The following RBBP8 variants were observed in gnomAD, a reference collection of about 807,000 sequenced individuals.
RBBP8 encodes RB binding protein 8, endonuclease, also known as DNA endonuclease RBBP8.
Under a neutral mutation model 108.3 loss-of-function variants are expected in RBBP8, and 88 were observed. That is an observed-to-expected ratio of 0.81 (90% confidence interval 0.68 to 0.97). The LOEUF is 0.97. Among genes scored for constraint, RBBP8 ranks in the 50% least tolerant of loss-of-function variants. The pLI is 0.00. For missense variants in RBBP8, 1,023 were observed against 1,049.0 expected (o/e 0.98, Z 0.34); for synonymous variants, 332 against 348.2 (o/e 0.95, Z 0.52).
intron 16 of RBBP8, among the ~76,000 whole-genome samples, chr18:23,012,735 C>G (rs1331158209): frequency 6.6e-6 from 1 of 152,148 alleles, no homozygotes; most frequent in Non-Finnish European, 1.5e-5. Context: ...TGGCTGAGAT[C>G]AGTGATGAAG....
At chr18:22,936,633 G>A in intron 1 of RBBP8, 121 bp from the exon 2 acceptor site, 1 of 529,538 alleles carries the variant, frequency 1.9e-6, no homozygotes, top group South Asian at 2.3e-5. Flanking sequence ...TTCTAAAAAT[G>A]ATTGATTATA....
At chr18:22,976,117 G>A (rs1914478749) in intron 6 of RBBP8, among the ~76,000 whole-genome samples, 1 of 152,074 alleles carries the variant, frequency 6.6e-6, no homozygotes, top group African/African-American at 2.4e-5. Context: ...TTTTGGCTTA[G>A]AATAGTTATT....
At chr18:23,004,370 G>A (rs2046003129) in intron 15 of RBBP8, among the ~76,000 whole-genome samples, 1 of 151,946 alleles carries the variant, frequency 6.6e-6, no homozygotes, top group South Asian at 2.1e-4. Flanking sequence ...TGCAAACATC[G>A]ATGAGCTTGG....
chr18:23,000,029 T>G (rs2045921104), intron 14 of RBBP8, among the ~76,000 whole-genome samples: 1 of 152,174 alleles, frequency 6.6e-6, no homozygotes, highest in South Asian at 2.1e-4. Flanking sequence ...AGCAAAAATT[T>G]TGTAGTAGGA....
intron 2 of RBBP8, among the ~76,000 whole-genome samples, chr18:22,938,284 C>A (rs956123193): frequency 6.6e-6 from 1 of 152,004 alleles, no homozygotes; most frequent in Non-Finnish European, 1.5e-5. Context: ...GGCGCACGCA[C>A]CATGCCCAGC....
chr18:22,953,591 G>T (rs1279570902), intron 4 of RBBP8, among the ~76,000 whole-genome samples: 1 of 152,038 alleles, frequency 6.6e-6, no homozygotes, highest in African/African-American at 2.4e-5. Context: ...CTTAAAGTTT[G>T]AGCTTCCTGT....
At chr18:23,007,899 G>A (rs1339006250) in intron 16 of RBBP8, among the ~76,000 whole-genome samples, 1 of 151,110 alleles carries the variant, frequency 6.6e-6, no homozygotes, top group Non-Finnish European at 1.5e-5. Context: ...TGCAACCTCT[G>A]CCTCCTGGGT....
chr18:23,017,640 C>T (rs1284725280), intron 17 of RBBP8, among the ~76,000 whole-genome samples: 2 of 146,990 alleles, frequency 1.4e-5, no homozygotes, highest in Non-Finnish European at 3.0e-5. Flanking sequence ...GGCGAGAGAG[C>T]GAGACTCCGT....
At chr18:22,978,150 T>G (rs1383721451) in intron 6 of RBBP8, among the ~76,000 whole-genome samples, 1 of 152,126 alleles carries the variant, frequency 6.6e-6, no homozygotes, top group Non-Finnish European at 1.5e-5. Flanking sequence ...GGAAAAAAGC[T>G]GAATATTTAA....
At chr18:22,956,213 C>T (rs1912526560) in intron 4 of RBBP8, among the ~76,000 whole-genome samples, 1 of 151,954 alleles carries the variant, frequency 6.6e-6, no homozygotes, top group East Asian at 1.9e-4. Flanking sequence ...AGTTCTATGT[C>T]ATATGTAAGA....
chr18:23,000,066 A>G (rs1213123991), intron 14 of RBBP8, among the ~76,000 whole-genome samples: 2 of 152,248 alleles, frequency 1.3e-5, no homozygotes, highest in Non-Finnish European at 2.9e-5. Context: ...GAGATAATGA[A>G]TAAACAGAAC....
chr18:22,925,856 A>G (rs998055536), intron 3 of RBBP8, among the ~76,000 whole-genome samples: 8 of 152,326 alleles, frequency 5.3e-5, no homozygotes, highest in Admixed American at 4.6e-4. Flanking sequence ...TAATAGACAA[A>G]ATGGTAAAGA....
intron 1 of RBBP8, chr18:22,933,795 G>A (rs1438632323): frequency 6.6e-6 from 1 of 152,204 alleles, no homozygotes; most frequent in African/African-American, 2.4e-5. Flanking sequence ...GGCTGAGGAA[G>A]CGCCTTTCGC....
chr18:23,000,792 C>G (rs1306414450), intron 14 of RBBP8, among the ~76,000 whole-genome samples: 1 of 151,430 alleles, frequency 6.6e-6, no homozygotes, highest in African/African-American at 2.4e-5. Context: ...TAACATAAAG[C>G]CTTTGTAAAT....
Position 22,920,554 on chromosome 18 carries a change from A to AT in RBBP8, c.-154+3529dup, listed in dbSNP as rs1280021470. On this transcript the variant is annotated intron_variant, in intron 3 of 4. Coordinates refer to the RBBP8 transcript ENST00000577588. ...TTCCCTTGAAAGTTCTTTGCCTATC[A>AT]TATCTACAATGATTCAGATTAGGAG... is the stretch of plus-strand genomic sequence containing the variant. Among the ~76,000 whole-genome samples the AT allele has an allele frequency of 7.9e-5, 12 of 152,364 alleles. No homozygotes were observed. The South Asian group carries it at 2.5e-3, about 32-fold the overall frequency.
chr18:22,975,166 T>C lies in RBBP8; in HGVS notation c.375T>C (p.Asn125=). ...KLITELMNER[N]TLQEENKKLS... is the part of the protein sequence containing the mutation. ...ATTGTTTTTAAGTGAATGAAAGGAA[T>C]ACTCTACAGGAAGAAAATAAAAAGC... is the stretch of plus-strand genomic sequence containing the variant. Residue 125 remains asparagine, a synonymous_variant, in exon 6 of 19, where the codon AAT becomes AAC. Transcript: ENST00000327155. 1.2e-6 allele frequency: 2 copies of C among 1,612,098 alleles called. No individual in the cohort carries two copies. The highest frequency in any genetic ancestry group is 1.7e-4 in the Middle Eastern group (1 of 6,036).
intron 7 of RBBP8, among the ~76,000 whole-genome samples, chr18:22,984,485 A>C (rs1319057328): frequency 1.3e-5 from 2 of 152,184 alleles, no homozygotes; most frequent in Non-Finnish European, 2.9e-5. Flanking sequence ...TTTAGGCTCA[A>C]GAGATCCTCC....
chr18:22,960,710 T>G (rs1039827168), intron 4 of RBBP8, among the ~76,000 whole-genome samples: 1 of 152,210 alleles, frequency 6.6e-6, no homozygotes, highest in Non-Finnish European at 1.5e-5. Flanking sequence ...AGTGCTAAGA[T>G]TATAGGAGTG....
chr18:22,960,095 G>T (rs527438870), intron 4 of RBBP8, among the ~76,000 whole-genome samples: 4 of 151,862 alleles, frequency 2.6e-5, no homozygotes, highest in Non-Finnish European at 5.9e-5. Flanking sequence ...GGGTTTTACC[G>T]TGTTAGCCAG....
Sources: gnomAD v4.1 joint callset for allele counts (sites outside exome capture counted in the v4.1 genomes callset) on GRCh38, gnomAD v4.1.1 for gene constraint, MANE v1.5 for transcripts, NCBI Gene and HGNC (gene_info 2026-07-23, HGNC 2026-07-21) for gene names.